Variants in RAPGEF4 observed in about 807,000 individuals in gnomAD.
The protein encoded by RAPGEF4 is Rap guanine nucleotide exchange factor 4, also known as RAP guanine-nucleotide-exchange factor (GEF) 4.
Under a neutral mutation model 147.9 loss-of-function variants are expected in RAPGEF4, and 66 were observed. The ratio of observed to expected loss-of-function variants is 0.45; its 90% CI spans 0.37 to 0.55. The LOEUF is 0.55. RAPGEF4 is among the 20% of genes least tolerant of loss of function. RAPGEF4 has a pLI of 0.00. For missense variants in RAPGEF4, 1,071 were observed against 1,257.3 expected, an observed-to-expected ratio of 0.85 and a Z score of 2.24; for synonymous variants, 419 against 442.7, an observed-to-expected ratio of 0.95 and a Z score of 0.67.
intron 1 of RAPGEF4, among the ~76,000 whole-genome samples, chr2:172,744,912 A>G (rs1694637088): frequency 6.6e-6 from 1 of 152,060 alleles, no homozygotes; most frequent in Non-Finnish European, 1.5e-5. Flanking sequence ...ACATTGTCTG[A>G]ATTTCAAATG....
chr2:172,971,807 A>G (rs539676201), intron 10 of RAPGEF4, among the ~76,000 whole-genome samples: 58 of 152,168 alleles, frequency 3.8e-4, no homozygotes, highest in Admixed American at 6.5e-4. Flanking sequence ...AATTTTACTT[A>G]AACGGAAAGA....
chr2:172,895,074 T>A (rs1338565680), intron 4 of RAPGEF4, among the ~76,000 whole-genome samples: 3 of 152,094 alleles, frequency 2.0e-5, no homozygotes, highest in Non-Finnish European at 4.4e-5. Context: ...GAGCGATTTG[T>A]TGTTACTTTC....
At chr2:172,749,705 C>A (rs1695095364) in intron 1 of RAPGEF4, among the ~76,000 whole-genome samples, 2 of 152,222 alleles carry the variant, frequency 1.3e-5, no homozygotes, top group Admixed American at 1.3e-4. Context: ...CTGCAGCCAG[C>A]ATGAATTTCT....
chr2:172,854,160 T>C (rs1693161970), intron 4 of RAPGEF4, among the ~76,000 whole-genome samples: 1 of 152,076 alleles, frequency 6.6e-6, no homozygotes, highest in South Asian at 2.1e-4. Flanking sequence ...GATTTTTTCA[T>C]CTTATTCTAA....
At position 172,790,783 on chromosome 2, in the gene RAPGEF4, A is replaced by G. The variant is rs192587103; in HGVS notation, c.66-4242A>G. 9.5e-4 allele frequency among the ~76,000 whole-genome samples: 144 copies of G among 152,292 alleles called. 2 individuals are homozygous for G. Among genetic ancestry groups the G allele is most frequent in the South Asian group, 4.2e-4 (2 of 4,816 alleles). ...TTCATATGCCCTTTATCCACGCTCA[A>G]TGAGAGAGTGGCGTAAGGATTAATG... On this transcript the variant is annotated intron_variant, in intron 1 of 30. Coordinates refer to ENST00000397081, the MANE Select transcript of RAPGEF4 (RefSeq NM_007023.4).
chr2:172,833,249 C>A (rs577946349), intron 4 of RAPGEF4, among the ~76,000 whole-genome samples: 2 of 126,862 alleles, frequency 1.6e-5, no homozygotes, highest in African/African-American at 2.9e-5. Flanking sequence ...TGAACATGTA[C>A]AGAGGTTTGG....
At chr2:172,846,987 T>C (rs1023299507) in intron 4 of RAPGEF4, among the ~76,000 whole-genome samples, 2 of 152,174 alleles carry the variant, frequency 1.3e-5, no homozygotes, top group African/African-American at 4.8e-5. Context: ...GAATGGAGCT[T>C]AGTACAGTGC....
intron 10 of RAPGEF4, among the ~76,000 whole-genome samples, chr2:172,970,014 A>T (rs1271386249): frequency 3.3e-5 from 5 of 152,134 alleles, no homozygotes; most frequent in Admixed American, 3.3e-4. Context: ...CCATCTTCTT[A>T]GGTTTTTCGA....
chr2:173,051,914 C>T lies in RAPGEF4; in HGVS notation c.*147C>T. 1 of 836,300 alleles carries T rather than the reference C, an allele frequency of 1.2e-6. No homozygotes were observed. Among genetic ancestry groups the T allele is most frequent in the Non-Finnish European group, 1.8e-6 (1 of 546,120 alleles). The allele number at this position is 836,300 out of a possible 1,614,324, so 51.8% of individuals were successfully genotyped here. ...TGAGACACCTCAGGGCTGCATTCAG[C>T]TTACCAGCTACCTAGCAAGAGAAGG... is the stretch of plus-strand genomic sequence containing the variant. On this transcript the variant is annotated 3_prime_UTR_variant, in exon 31 of 31. Transcript: ENST00000397081.
At chr2:173,022,808 T>G (rs1696239150) in intron 23 of RAPGEF4, among the ~76,000 whole-genome samples, 1 of 152,228 alleles carries the variant, frequency 6.6e-6, no homozygotes, top group Non-Finnish European at 1.5e-5. Context: ...GTTAGCCTAG[T>G]GGTTAAGGGT....
rs574039225 is a variant in RAPGEF4, at chr2:173,024,394, T to A, written c.2254-2178T>A. 9.4e-5 allele frequency among the ~76,000 whole-genome samples: 14 copies of A among 149,556 alleles called. 1 individual carries two copies. The East Asian group carries it at 2.8e-3, about 30-fold the overall frequency. On this transcript the variant is annotated intron_variant, in intron 23 of 30. Transcript: ENST00000397081. ...CACTACGCCCGGCTAATTTTTTGTA[T>A]TTTTAGTAGAGACGGGGTTTCACCG...
chr2:172,999,070 G>T (rs1028260101), intron 16 of RAPGEF4, among the ~76,000 whole-genome samples: 3 of 152,192 alleles, frequency 2.0e-5, no homozygotes, highest in Non-Finnish European at 4.4e-5. Flanking sequence ...CCCATGGGCA[G>T]TGTGCCAAGA....
chr2:172,793,657 T>C (rs996444621), intron 1 of RAPGEF4, among the ~76,000 whole-genome samples: 2 of 152,176 alleles, frequency 1.3e-5, no homozygotes, highest in Non-Finnish European at 2.9e-5. Context: ...GCAAAGCACA[T>C]GGAAGGAACA....
chr2:172,835,795 A>C (rs1245513773), intron 4 of RAPGEF4, among the ~76,000 whole-genome samples: 1 of 152,214 alleles, frequency 6.6e-6, no homozygotes, highest in Non-Finnish European at 1.5e-5. Context: ...AAATAACAAC[A>C]ATCTCTTAAC....
intron 6 of RAPGEF4, among the ~76,000 whole-genome samples, chr2:172,927,497 T>C (rs1470112250): frequency 2.0e-5 from 3 of 152,070 alleles, no homozygotes; most frequent in Non-Finnish European, 2.9e-5. Flanking sequence ...ATTCAGATAA[T>C]TGATGGCTCA....
intron 17 of RAPGEF4, among the ~76,000 whole-genome samples, chr2:173,012,997 C>T (rs1296551091): frequency 5.3e-5 from 8 of 152,244 alleles, no homozygotes; most frequent in African/African-American, 1.9e-4. Flanking sequence ...TTCTTCCTTT[C>T]TTCATTGTGA....
chr2:172,990,274 C>G (rs1156820560), intron 14 of RAPGEF4, among the ~76,000 whole-genome samples: 1 of 152,162 alleles, frequency 6.6e-6, no homozygotes, highest in Non-Finnish European at 1.5e-5. Flanking sequence ...TTGAACGAAT[C>G]AGATTAGGAC....
intron 4 of RAPGEF4, among the ~76,000 whole-genome samples, chr2:172,857,504 A>G (rs1350101672): frequency 6.6e-6 from 1 of 152,236 alleles, no homozygotes; most frequent in Non-Finnish European, 1.5e-5. Context: ...AAGGATCATG[A>G]GCTCTTGGTT....
chr2:172,796,740 G>A (rs947921422), intron 2 of RAPGEF4, among the ~76,000 whole-genome samples: 5 of 152,260 alleles, frequency 3.3e-5, no homozygotes, highest in African/African-American at 1.2e-4. Context: ...GCCTTGCCAG[G>A]ACTCGGTTGT....
Sources: allele counts gnomAD v4.1 joint callset (sites outside exome capture counted in the v4.1 genomes callset), GRCh38; gene constraint gnomAD v4.1.1; transcripts MANE v1.5; gene names NCBI Gene and HGNC (gene_info 2026-07-23, HGNC 2026-07-21).